The following USP20 variants were observed in gnomAD, a reference collection of about 807,000 sequenced individuals.
USP20 encodes the protein ubiquitin specific peptidase 20.
USP20 carries 80 observed loss-of-function variants against 124.2 expected under a neutral mutation model. The observed-to-expected ratio is 0.64, with a 90% CI of 0.54 to 0.78. USP20 has a LOEUF of 0.78. Ranked by LOEUF, USP20 falls within the 30% of genes least tolerant of loss-of-function variation. USP20 has a pLI of 0.00. For missense variants in USP20, 1,043 were observed against 1,244.4 expected, an observed-to-expected ratio of 0.84 and a Z score of 2.44; for synonymous variants, 481 against 512.3, an observed-to-expected ratio of 0.94 and a Z score of 0.83.
At chr9:129,869,257 C>G (rs1196310887) in intron 12 of USP20, 53 bp from the exon 13 acceptor site, 1 of 1,560,524 alleles carries the variant, frequency 6.4e-7, no homozygotes, top group Non-Finnish European at 8.8e-7. Context: ...GGGCCCGCAC[C>G]TCGCCCCGGC....
intron 8 of USP20, among the ~76,000 whole-genome samples, chr9:129,862,481 A>C (rs374452036): frequency 6.9e-6 from 1 of 144,128 alleles, no homozygotes; most frequent in Non-Finnish European, 1.5e-5. Flanking sequence ...TGAACCCGGG[A>C]GGCGGAGGTT....
chr9:129,875,485 G>A lies in USP20; in HGVS notation c.2218+6G>A. ...CTTCCTCTGCTCCCACGGAGGTGAG[G>A]CGCCCCCTGTGGTGGGAGAGCAGGG... On this transcript the variant is annotated splice_donor_region_variant and intron_variant, in intron 20 of 25. Transcript: ENST00000372429. 1.2e-6 allele frequency: 2 copies of A among 1,612,386 alleles called. No homozygotes were observed. Among genetic ancestry groups the A allele is most frequent in the Non-Finnish European group, 1.7e-6 (2 of 1,179,054 alleles).
At chr9:129,853,108 A>G (rs1249366584) in intron 3 of USP20, among the ~76,000 whole-genome samples, 2 of 152,342 alleles carry the variant, frequency 1.3e-5, no homozygotes, top group Admixed American at 6.5e-5. Context: ...ACAAAAAGAT[A>G]AATGTCAAGA....
rs1319657631 is a variant in USP20 at position 129,881,603 on chromosome 9, G to A, written c.*1153G>A. ...AGCAGGTGGGTCCCGCAGAGGCCCT[G>A]AGGCCTCACTTTTCGGATCTTCTGT... On this transcript the variant is annotated 3_prime_UTR_variant, in exon 26 of 26. Transcript: ENST00000372429. 1 of 152,308 alleles carries A rather than the reference G, an allele frequency of 6.6e-6. No homozygotes were observed. The highest frequency in any genetic ancestry group is 2.4e-5 in the African/African-American group (1 of 41,470). 9.4% of individuals were successfully genotyped at this position (152,308 alleles called of 1,614,324 possible). A position where few individuals can be genotyped will look rare whatever the true frequency, so the allele number is the denominator to read the frequency against.
At chr9:129,854,616 G>C (rs920583035) in intron 3 of USP20, among the ~76,000 whole-genome samples, 4 of 148,896 alleles carry the variant, frequency 2.7e-5, no homozygotes, top group Non-Finnish European at 5.9e-5. Flanking sequence ...GCAAGCATTC[G>C]ATACTTTTAT....
At chr9:129,850,305 T>C (rs2032838266) in intron 2 of USP20, among the ~76,000 whole-genome samples, 1 of 152,214 alleles carries the variant, frequency 6.6e-6, no homozygotes, top group Admixed American at 6.5e-5. Flanking sequence ...AGAAAGCAAC[T>C]GAGCGGGCCC....
intron 8 of USP20, among the ~76,000 whole-genome samples, chr9:129,862,930 A>AAT (rs1564209026): frequency 5.7e-5 from 7 of 121,986 alleles, no homozygotes; most frequent in African/African-American, 1.1e-4. Flanking sequence ...AATAATAAAA[A>AAT]AATAAGGTAA....
At chr9:129,877,973 G>C (rs2034478256) in intron 22 of USP20, among the ~76,000 whole-genome samples, 1 of 152,116 alleles carries the variant, frequency 6.6e-6, no homozygotes, top group Non-Finnish European at 1.5e-5. Flanking sequence ...TCAAGAGGCT[G>C]AGGTGGGAGA....
rs115977830 is a variant in USP20, at chr9:129,880,403, T to C, written c.*17-64T>C. 6.8e-4 allele frequency: 862 copies of C among 1,273,710 alleles called. 4 individuals are homozygous for C. In the African/African-American group the frequency reaches 0.012, roughly 17 times the overall value. The allele number at this position is 1,273,710 out of a possible 1,614,324, so 78.9% of individuals were successfully genotyped here. On this transcript the variant is annotated intron_variant, in intron 25 of 25. Coordinates refer to ENST00000372429, the MANE Select transcript of USP20 (RefSeq NM_001110303.4). ...GAGCAGGTCCCTGAAAGCACCTTCC[T>C]GGAGGATGTGGGAGGGCCCTGGACA...
chr9:129,836,475 G>A (rs951016983), intron 1 of USP20, among the ~76,000 whole-genome samples: 1 of 152,174 alleles, frequency 6.6e-6, no homozygotes, highest in African/African-American at 2.4e-5. Flanking sequence ...TCTGCCGCAC[G>A]GTTTGCACAG....
chr9:129,879,512 C>A lies in USP20; in HGVS notation c.2513-61C>A. ...GGCGGCCCCACTTGGGATGGCTCTG[C>A]TGCTGTGGAGGGTGGAGGGCATGGC... On this transcript the variant is annotated intron_variant, in intron 23 of 25. Transcript: ENST00000372429. This position sits in a 1 kb window ranked among gnomAD's most constrained non-coding sequence, Gnocchi z 4.2. The A allele has an allele frequency of 6.3e-7, 1 of 1,582,234 alleles. No homozygotes were observed. The highest frequency in any genetic ancestry group is 2.2e-5 in the East Asian group (1 of 44,528).
chr9:129,868,450 GTATCAGCT>G lies in USP20; in HGVS notation c.1135+2_1135+9del. On this transcript the variant is annotated splice_donor_variant and splice_donor_5th_base_variant and intron_variant, in intron 11 of 25. Coordinates refer to ENST00000372429, the MANE Select transcript of USP20 (RefSeq NM_001110303.4). LOFTEE classifies it high-confidence loss of function. ...TCCTCCAGCCCCTGCCGGACGCCAG[GTATCAGCT>G]GGCCGGGGACTGCGGGAGGAACCTC... The G allele has an allele frequency of 6.2e-7, 1 of 1,608,858 alleles. No individual in the cohort carries two copies. Among genetic ancestry groups the G allele is most frequent in the Non-Finnish European group, 8.5e-7 (1 of 1,177,170 alleles).
rs779092671 is a variant in USP20 at position 129,856,301 on chromosome 9, A to T, written c.82-6A>T. 1 of 1,614,094 alleles carries T rather than the reference A, an allele frequency of 6.2e-7. No homozygotes were observed. Among genetic ancestry groups the T allele is most frequent in the South Asian group, 1.1e-5 (1 of 91,080 alleles). The stretch of plus-strand genomic sequence containing the variant: ...TGCTCTTTTTCTCTCCTCTCAACTC[A>T]CACAGGGAACCTGTCAGTCGTGTGG... On this transcript the variant is annotated splice_region_variant and splice_polypyrimidine_tract_variant and intron_variant, in intron 3 of 25. Coordinates refer to ENST00000372429, the MANE Select transcript of USP20 (RefSeq NM_001110303.4).
intron 1 of USP20, among the ~76,000 whole-genome samples, chr9:129,838,943 C>G (rs953782540): frequency 1.3e-5 from 2 of 152,164 alleles, no homozygotes; most frequent in Non-Finnish European, 2.9e-5. Flanking sequence ...ACTGTCATAT[C>G]CTAGACTGAA....
intron 1 of USP20, among the ~76,000 whole-genome samples, chr9:129,837,632 G>A (rs1687896007): frequency 6.6e-6 from 1 of 152,206 alleles, no homozygotes; most frequent in Admixed American, 6.5e-5. Context: ...TCACAGTAAA[G>A]TATGTAAAGT....
chr9:129,856,510 C>T (rs2033226830), intron 4 of USP20, 150 bp downstream of exon 4: 4 of 886,636 alleles, frequency 4.5e-6, no homozygotes, highest in Admixed American at 4.4e-5. Flanking sequence ...CACAGGGGCA[C>T]AGGACTCCAA....
rs567518083 is a variant in USP20, at chr9:129,853,688, G to A, written c.81+1052G>A. On this transcript the variant is annotated intron_variant, in intron 3 of 25. Coordinates refer to ENST00000372429, the MANE Select transcript of USP20 (RefSeq NM_001110303.4). Reference sequence around the variant, plus strand: ...CTATAGCTGCTTTTGAAGTGACTTTGCCTCTTGCAGCATGAAGTGGGGCAG... The same window carrying A: ...CTATAGCTGCTTTTGAAGTGACTTTACCTCTTGCAGCATGAAGTGGGGCAG... Among the ~76,000 whole-genome samples, 13 of 152,280 alleles carry A rather than the reference G, an allele frequency of 8.5e-5. No individual in the cohort carries two copies. The South Asian group carries it at 1.7e-3, about 19-fold the overall frequency.
intron 1 of USP20, among the ~76,000 whole-genome samples, chr9:129,846,688 ATCT>A (rs1290993127): frequency 6.8e-6 from 1 of 147,104 alleles, no homozygotes; most frequent in African/African-American, 2.5e-5. Context: ...CAGTGGCACG[ATCT>A]TCTTGGCTCA....
intron 9 of USP20, among the ~76,000 whole-genome samples, chr9:129,864,633 G>T (rs2033732265): frequency 6.6e-6 from 1 of 151,792 alleles, no homozygotes; most frequent in South Asian, 2.1e-4. Context: ...AATTAGCTGG[G>T]CATGGTGGCG....
Sources: gnomAD v4.1 joint callset for allele counts (sites outside exome capture counted in the v4.1 genomes callset) on GRCh38, gnomAD v4.1.1 for gene constraint, Gnocchi (gnomAD v3.1) non-coding constraint, MANE v1.5 for transcripts, NCBI Gene and HGNC (gene_info 2026-07-23, HGNC 2026-07-21) for gene names.